Variants in USP37 observed in about 807,000 individuals in gnomAD.
USP37 encodes ubiquitin carboxyl-terminal hydrolase 37.
In USP37, 27 loss-of-function variants were observed where a neutral mutation model predicts 124.0. The ratio of observed to expected loss-of-function variants is 0.22; its 90% CI spans 0.16 to 0.30. The LOEUF is 0.30. Ranked by LOEUF, USP37 falls within the 10% of genes least tolerant of loss-of-function variation. The pLI, the probability that USP37 is intolerant of heterozygous loss-of-function variation, is 1.00. For missense variants in USP37, 889 were observed against 1,140.4 expected, an observed-to-expected ratio of 0.78 and a Z score of 3.17; for synonymous variants, 365 against 388.0, an observed-to-expected ratio of 0.94 and a Z score of 0.70.
intron 14 of USP37, 78 bp downstream of exon 14, chr2:218,495,682 T>G: frequency 7.0e-7 from 1 of 1,435,764 alleles, no homozygotes; most frequent in Non-Finnish European, 9.4e-7. Flanking sequence ...ATTCATGGCA[T>G]TTGGTATGTC....
chr2:218,534,172 G>A (rs886642751), intron 9 of USP37, among the ~76,000 whole-genome samples: 2 of 152,186 alleles, frequency 1.3e-5, no homozygotes, highest in Non-Finnish European at 2.9e-5. Context: ...CAAGTACTGG[G>A]TACAAATTGG....
chr2:218,511,317 C>CT (rs1011425874), intron 10 of USP37, among the ~76,000 whole-genome samples: 7 of 150,778 alleles, frequency 4.6e-5, no homozygotes, highest in African/African-American at 1.7e-4. Context: ...AGCTAATTTT[C>CT]TTTTTTTTGA....
chr2:218,525,381 G>T (rs939192757), intron 10 of USP37, among the ~76,000 whole-genome samples: 7 of 152,122 alleles, frequency 4.6e-5, no homozygotes, highest in Non-Finnish European at 7.4e-5. Flanking sequence ...TACTGGGGGG[G>T]TTGTGGGTGG....
At chr2:218,508,776 A>T (rs1321538591) in intron 11 of USP37, among the ~76,000 whole-genome samples, 1 of 152,182 alleles carries the variant, frequency 6.6e-6, no homozygotes, top group African/African-American at 2.4e-5. Flanking sequence ...CAGAAAGGAG[A>T]GTGAATTGTT....
At chr2:218,532,286 T>A (rs1691371604) in intron 9 of USP37, among the ~76,000 whole-genome samples, 1 of 151,246 alleles carries the variant, frequency 6.6e-6, no homozygotes, top group Non-Finnish European at 1.5e-5. Context: ...GCCAATATGG[T>A]GAAACCCCAT....
chr2:218,537,635 A>G (rs1691728308), intron 8 of USP37, among the ~76,000 whole-genome samples: 1 of 152,236 alleles, frequency 6.6e-6, no homozygotes, highest in African/African-American at 2.4e-5. Flanking sequence ...ACAGCAACAG[A>G]TAAGATGTAG....
intron 18 of USP37, among the ~76,000 whole-genome samples, chr2:218,477,416 G>T (rs1691038254): frequency 6.6e-6 from 1 of 152,124 alleles, no homozygotes; most frequent in Non-Finnish European, 1.5e-5. Context: ...TTATCTGTAG[G>T]TCAGACTTCT....
At chr2:218,509,394 T>A (rs662250) in intron 11 of USP37, among the ~76,000 whole-genome samples, 100,424 of 151,640 alleles carry the variant, frequency 0.66, 33,691 homozygotes, top group East Asian at 0.9. Flanking sequence ...ATTTAAAATT[T>A]AAAAAAAATC....
chr2:218,465,051 C>T (rs191210474), intron 21 of USP37, among the ~76,000 whole-genome samples: 64 of 152,208 alleles, frequency 4.2e-4, no homozygotes, highest in African/African-American at 1.4e-3. Flanking sequence ...TACATTCCAG[C>T]CTGGGCAACT....
chr2:218,544,432 G>T (rs57628891), intron 8 of USP37, among the ~76,000 whole-genome samples: 3,058 of 69,220 alleles, frequency 0.044, 119 homozygotes, highest in African/African-American at 0.1. Flanking sequence ...TATATATATA[G>T]AGAGAGAGAG....
Position 218,498,112 on chromosome 2 carries a change from T to C in USP37, c.1071A>G (p.Gln357=), listed in dbSNP as rs183485355. The change falls in exon 12 of 26, where the codon CAA becomes CAG. Residue 357 remains glutamine, a synonymous_variant. Transcript: ENST00000258399. ...GNTCYMNAIL[Q]SLFSLQSFAN... Reference sequence around the variant, plus strand: ...CAAATGACTGGAGTGAAAATAGAGATTGTAGAATAGCATTCATATAGCAGG... The same window carrying C: ...CAAATGACTGGAGTGAAAATAGAGACTGTAGAATAGCATTCATATAGCAGG... 3.0e-5 allele frequency: 48 copies of C among 1,605,988 alleles called. No individual in the cohort carries two copies. The East Asian group carries it at 9.8e-4, about 33-fold the overall frequency.
chr2:218,498,367 C>A, intron 11 of USP37: 2 of 361,550 alleles, frequency 5.5e-6, no homozygotes. Context: ...CCATTTCTAA[C>A]AAGTTACTAG....
At chr2:218,548,691 A>G (rs943638600) in intron 6 of USP37, among the ~76,000 whole-genome samples, 9 of 150,104 alleles carry the variant, frequency 6.0e-5, no homozygotes, top group African/African-American at 2.2e-4. Flanking sequence ...ATATGTATAA[A>G]TAAACCAAAA....
At chr2:218,455,868 A>T (rs1304261287) in intron 24 of USP37, 150 bp from the exon 25 acceptor site, 1 of 797,442 alleles carries the variant, frequency 1.3e-6, no homozygotes, top group African/African-American at 1.8e-5. Context: ...CAACATGGTG[A>T]AGCCCCGTCT....
intron 9 of USP37, among the ~76,000 whole-genome samples, chr2:218,533,611 T>C (rs528950627): frequency 1.3e-5 from 2 of 152,342 alleles, no homozygotes; most frequent in African/African-American, 4.8e-5. Flanking sequence ...AAGCAGAGTT[T>C]ATATCTTCTA....
intron 11 of USP37, among the ~76,000 whole-genome samples, chr2:218,501,802 G>A (rs1559190392): frequency 6.6e-6 from 1 of 152,188 alleles, no homozygotes; most frequent in African/African-American, 2.4e-5. Context: ...ATAGCAGTCT[G>A]CTTGAATATT....
rs1204373235 is a variant in USP37, at chr2:218,546,909, T to C, written c.602+10A>G. ...ATACAGCTAGTGACTAAGAAAAAAG[T>C]CTCTCCTACCGATTTTCTAGCAACC... On this transcript the variant is annotated intron_variant, in intron 7 of 25. Coordinates refer to ENST00000258399, the MANE Select transcript of USP37 (RefSeq NM_020935.3). The C allele has an allele frequency of 6.2e-7, 1 of 1,602,594 alleles. No homozygotes were observed. Among genetic ancestry groups the C allele is most frequent in the Admixed American group, 1.8e-5 (1 of 55,990 alleles).
chr2:218,481,380 C>T (rs1415225615), intron 17 of USP37, among the ~76,000 whole-genome samples: 1 of 152,110 alleles, frequency 6.6e-6, no homozygotes, highest in Admixed American at 6.6e-5. Flanking sequence ...TTCCTAAGCG[C>T]CTATCTCAGA....
intron 10 of USP37, among the ~76,000 whole-genome samples, chr2:218,525,855 A>G (rs933409646): frequency 1.3e-5 from 2 of 152,034 alleles, no homozygotes; most frequent in South Asian, 2.1e-4. Context: ...CCATCCTCCA[A>G]CAAGCCCCAG....
Sources: gnomAD v4.1 joint callset for allele counts (sites outside exome capture counted in the v4.1 genomes callset) on GRCh38, gnomAD v4.1.1 for gene constraint, MANE v1.5 for transcripts, NCBI Gene and HGNC (gene_info 2026-07-23, HGNC 2026-07-21) for gene names.